The following PPARG variants were observed in gnomAD, a reference collection of about 807,000 sequenced individuals.
The protein encoded by PPARG is peroxisome proliferator-activated receptor gamma.
A neutral mutation model predicts 39.2 loss-of-function variants in PPARG; 17 were observed. That is an observed-to-expected ratio of 0.43 (90% CI 0.30 to 0.65). The LOEUF (loss-of-function observed/expected upper bound fraction) is 0.65, where lower values mean the gene tolerates loss of function less well. PPARG is among the 30% of genes least tolerant of loss of function. The pLI, the probability that PPARG is intolerant of heterozygous loss-of-function variation, is 0.13. For missense variants in PPARG, 406 were observed against 585.9 expected, an observed-to-expected ratio of 0.69 and a Z score of 3.17; for synonymous variants, 223 against 215.7, an observed-to-expected ratio of 1.03 and a Z score of -0.30.
At chr3:12,391,982 A>G (rs2050092684) in intron 4 of PPARG, among the ~76,000 whole-genome samples, 1 of 152,172 alleles carries the variant, frequency 6.6e-6, no homozygotes, top group Non-Finnish European at 1.5e-5. Context: ...CCATTTTGAG[A>G]TAGCAGTCGA....
chr3:12,305,064 C>T (rs1268243572), intron 1 of PPARG, among the ~76,000 whole-genome samples: 2 of 151,976 alleles, frequency 1.3e-5, no homozygotes, highest in Non-Finnish European at 2.9e-5. Flanking sequence ...TCAATTGTAG[C>T]ACTAGCTCTT....
intron 2 of PPARG, among the ~76,000 whole-genome samples, chr3:12,321,174 C>T (rs2047531764): frequency 6.6e-6 from 1 of 152,154 alleles, no homozygotes; most frequent in African/African-American, 2.4e-5. Flanking sequence ...CCTCTGTGTC[C>T]GATGGCGTGG....
intron 2 of PPARG, among the ~76,000 whole-genome samples, chr3:12,378,479 T>C (rs567685334): frequency 1.2e-4 from 19 of 152,112 alleles, no homozygotes; most frequent in Non-Finnish European, 2.2e-4. Flanking sequence ...TAGAATATTA[T>C]TCAGCCTTAA....
chr3:12,306,317 C>T (rs1391858366), intron 1 of PPARG, among the ~76,000 whole-genome samples: 1 of 152,210 alleles, frequency 6.6e-6, no homozygotes, highest in African/African-American at 2.4e-5. Flanking sequence ...TGTTCGCTCG[C>T]CCACCACTCA....
intron 1 of PPARG, among the ~76,000 whole-genome samples, chr3:12,309,977 C>G (rs1423854217): frequency 1.3e-5 from 2 of 152,112 alleles, no homozygotes; most frequent in African/African-American, 4.8e-5. Flanking sequence ...ATAAACTAAT[C>G]TTGAGTTAAA....
At chr3:12,302,993 T>A (rs2046966936) in intron 1 of PPARG, among the ~76,000 whole-genome samples, 1 of 152,152 alleles carries the variant, frequency 6.6e-6, no homozygotes, top group South Asian at 2.1e-4. Flanking sequence ...AAGTGTTAGT[T>A]ACAGACCTGG....
chr3:12,351,849 C>A (rs1310725751), intron 2 of PPARG, among the ~76,000 whole-genome samples: 3 of 152,146 alleles, frequency 2.0e-5, no homozygotes, highest in Admixed American at 2.0e-4. Context: ...ATGTTCAGAA[C>A]CTTAAAAAAG....
At chr3:12,371,319 ATG>A (rs1217056466) in intron 2 of PPARG, among the ~76,000 whole-genome samples, 1 of 152,182 alleles carries the variant, frequency 6.6e-6, no homozygotes, top group African/African-American at 2.4e-5. Flanking sequence ...TTCACCGTTA[ATG>A]TTCAAAACAG....
At chr3:12,343,486 T>C (rs184795168) in intron 2 of PPARG, among the ~76,000 whole-genome samples, 113 of 152,310 alleles carry the variant, frequency 7.4e-4, no homozygotes, top group Non-Finnish European at 1.4e-3. Flanking sequence ...CTCAATTTCT[T>C]TATCTGTAAA....
chr3:12,304,250 C>T (rs1490103281), intron 1 of PPARG, among the ~76,000 whole-genome samples: 1 of 152,158 alleles, frequency 6.6e-6, no homozygotes, highest in East Asian at 1.9e-4. Flanking sequence ...TAAGACCAGG[C>T]GTGACTACCC....
chr3:12,318,098 G>A (rs573884002), intron 2 of PPARG, among the ~76,000 whole-genome samples: 3 of 151,934 alleles, frequency 2.0e-5, no homozygotes, highest in Non-Finnish European at 4.4e-5. Context: ...CTCAGCCACC[G>A]GAGTAGCTGG....
intron 6 of PPARG, among the ~76,000 whole-genome samples, chr3:12,410,365 G>A (rs549771694): frequency 6.6e-5 from 10 of 152,298 alleles, no homozygotes; most frequent in East Asian, 1.9e-4. Context: ...CACACTGGGC[G>A]TATCATTGTC....
intron 2 of PPARG, among the ~76,000 whole-genome samples, chr3:12,374,909 C>G (rs1398801779): frequency 6.6e-6 from 1 of 152,108 alleles, no homozygotes; most frequent in African/African-American, 2.4e-5. Context: ...AAAACAGCAT[C>G]CTTTTAGCCA....
chr3:12,397,006 A>G (rs545653719), intron 5 of PPARG, among the ~76,000 whole-genome samples: 100 of 152,286 alleles, frequency 6.6e-4, no homozygotes, highest in African/African-American at 2.3e-3. Flanking sequence ...TATTTAAGAA[A>G]ATAATCTAGA....
chr3:12,425,184 G>C (rs2051395670), intron 7 of PPARG, among the ~76,000 whole-genome samples: 1 of 152,240 alleles, frequency 6.6e-6, no homozygotes, highest in South Asian at 2.1e-4. Flanking sequence ...AAGTGGGGAG[G>C]ATTCGGACGT....
chr3:12,394,996 C>T (rs1026483450), intron 5 of PPARG, among the ~76,000 whole-genome samples: 1 of 152,184 alleles, frequency 6.6e-6, no homozygotes, highest in African/African-American at 2.4e-5. Flanking sequence ...CTTATTTCTG[C>T]TCCCTGGTCT....
chr3:12,410,788 C>T (rs1575133191), intron 6 of PPARG, among the ~76,000 whole-genome samples: 1 of 152,312 alleles, frequency 6.6e-6, no homozygotes, highest in Non-Finnish European at 1.5e-5. Flanking sequence ...CTGAAATTTA[C>T]AATGGCCATC....
chr3:12,380,751 A>C (rs185804059), intron 3 of PPARG, among the ~76,000 whole-genome samples: 1 of 152,196 alleles, frequency 6.6e-6, no homozygotes, highest in Non-Finnish European at 1.5e-5. Context: ...GGTAGGGCTT[A>C]CTTCCATAAG....
chr3:12,429,018 T>C (rs754990732), intron 7 of PPARG, among the ~76,000 whole-genome samples: 1 of 152,112 alleles, frequency 6.6e-6, no homozygotes, highest in Non-Finnish European at 1.5e-5. Context: ...AGCTGGTGAG[T>C]GAAAGCTTTA....
Sources: gnomAD v4.1 joint callset for allele counts (sites outside exome capture counted in the v4.1 genomes callset) on GRCh38, gnomAD v4.1.1 for gene constraint, MANE v1.5 for transcripts, NCBI Gene and HGNC (gene_info 2026-07-23, HGNC 2026-07-21) for gene names.